AR: variants seen among roughly 807,000 people sequenced by gnomAD.
The protein encoded by AR is androgen receptor, also known as dihydrotestosterone receptor.
In AR, 8 loss-of-function variants were observed where a neutral mutation model predicts 53.9. That is an observed-to-expected ratio of 0.15 (90% CI 0.09 to 0.27). The LOEUF is 0.27. Ranked by LOEUF, AR falls within the 10% of genes least tolerant of loss-of-function variation. AR has a pLI of 1.00. For synonymous variants in AR, 359 were observed against 316.4 expected, an observed-to-expected ratio of 1.13 and a Z score of -1.43; for missense variants, 639 against 742.5, an observed-to-expected ratio of 0.86 and a Z score of 1.62.
chrX:67,630,217 T>G (rs1035616472), intron 1 of AR, among the ~76,000 whole-genome samples: 6 of 111,170 alleles, frequency 5.4e-5, no homozygotes, highest in African/African-American at 2.0e-4. Context: ...CTCGTTGATC[T>G]GTCTAATGTT....
chrX:67,624,965 G>A lies in AR; in HGVS notation c.1617-18291G>A, dbSNP rs1190994800. 5.3e-5 allele frequency among the ~76,000 whole-genome samples: 5 copies of A among 93,672 alleles called. No individual in the cohort carries two copies. In the East Asian group the frequency reaches 1.6e-3, roughly 30 times the overall value. The allele number at this position is 93,672 out of a possible 115,157, so 81.3% of individuals were successfully genotyped here. A position where few individuals can be genotyped will look rare whatever the true frequency, so the allele number is the denominator to read the frequency against. On this transcript the variant is annotated intron_variant, in intron 1 of 7. Transcript: ENST00000374690. Reference sequence around the variant, plus strand: ...AGGTAAAAGGCACCCATATTGGAAAGGAAGAGGTGAAAATATCTATATTCA... The same window carrying A: ...AGGTAAAAGGCACCCATATTGGAAAAGAAGAGGTGAAAATATCTATATTCA...
At chrX:67,684,271 G>T (rs1572500) in intron 2 of AR, among the ~76,000 whole-genome samples, 7,259 of 111,517 alleles carry the variant, frequency 0.065, 590 homozygotes, top group African/African-American at 0.22. Context: ...GTGCACATAT[G>T]GTAGTCCTCA....
chrX:67,626,264 C>T (rs1291221049), intron 1 of AR, among the ~76,000 whole-genome samples: 1 of 109,467 alleles, frequency 9.1e-6, no homozygotes, highest in East Asian at 2.9e-4. Context: ...CCTCTTATCT[C>T]CATGAGTTCA....
At chrX:67,705,382 C>A (rs776413739) in intron 3 of AR, among the ~76,000 whole-genome samples, 28 of 111,223 alleles carry the variant, frequency 2.5e-4, no homozygotes, top group Admixed American at 2.3e-3. Flanking sequence ...AGTTGGATTC[C>A]TAGGTATTTT....
chrX:67,604,200 G>A (rs998922420), intron 1 of AR, among the ~76,000 whole-genome samples: 1 of 56,259 alleles, frequency 1.8e-5, no homozygotes, highest in Non-Finnish European at 3.1e-5. Context: ...GGAGAAATAT[G>A]TGTGTGTGTG....
At chrX:67,647,371 C>A (rs757903302) in intron 2 of AR, among the ~76,000 whole-genome samples, 1 of 111,797 alleles carries the variant, frequency 8.9e-6, no homozygotes, top group South Asian at 3.7e-4. Flanking sequence ...GGAAGAAATG[C>A]AAGTGAACCC....
intron 1 of AR, among the ~76,000 whole-genome samples, chrX:67,625,216 C>T (rs1360557439): frequency 9.0e-6 from 1 of 110,774 alleles, no homozygotes; most frequent in Non-Finnish European, 1.9e-5. Context: ...ACAAAAGAAG[C>T]GTAAGACTTG....
intron 2 of AR, among the ~76,000 whole-genome samples, chrX:67,676,194 C>A (rs1364732671): frequency 8.9e-6 from 1 of 111,955 alleles, no homozygotes; most frequent in African/African-American, 3.2e-5. Flanking sequence ...CTCTGAGCAA[C>A]CCTGCAAAGA....
At chrX:67,573,781 G>A (rs1410686830) in intron 1 of AR, among the ~76,000 whole-genome samples, 1 of 111,927 alleles carries the variant, frequency 8.9e-6, no homozygotes, top group Non-Finnish European at 1.9e-5. Flanking sequence ...GTTATTGTCA[G>A]AGTAAATATC....
chrX:67,730,273 G>C lies in AR; in HGVS notation c.*6432G>C, dbSNP rs1310430730. ...TCTTTAGATGGGGCTCATTTCTCAC[G>C]GTGGCACTTGGCCTCCACTGGGCAG... On this transcript the variant is annotated 3_prime_UTR_variant, in exon 8 of 8. Transcript: ENST00000374690. 1 of 175,635 alleles carries C rather than the reference G, an allele frequency of 5.7e-6. No individual in the cohort carries two copies. The highest frequency in any genetic ancestry group is 2.9e-5 in the African/African-American group (1 of 34,512). The allele number at this position is 175,635 out of a possible 1,213,427, so 14.5% of individuals were successfully genotyped here. A position where few individuals can be genotyped will look rare whatever the true frequency, so the allele number is the denominator to read the frequency against.
chrX:67,614,916 G>T (rs899289474), intron 1 of AR, among the ~76,000 whole-genome samples: 1 of 110,670 alleles, frequency 9.0e-6, no homozygotes, highest in Non-Finnish European at 1.9e-5. Flanking sequence ...GAAAAAAATG[G>T]AAAATCTGGA....
rs185681496 is a variant in AR, at chrX:67,661,792, T to C, written c.1768+18385T>C. On this transcript the variant is annotated intron_variant, in intron 2 of 7. Coordinates refer to ENST00000374690, the MANE Select transcript of AR (RefSeq NM_000044.6). ...TACCAGCTCCTCCTTGTACCTCTGG[T>C]AGGATTCAGCTGTGAATCCATCTGG... Among the ~76,000 whole-genome samples the C allele has an allele frequency of 6.3e-5, 7 of 111,770 alleles. No individual in the cohort carries two copies. In the Admixed American group the frequency reaches 6.7e-4, roughly 11 times the overall value.
At chrX:67,689,861 AT>A in intron 3 of AR, 1 of 378,175 alleles carries the variant, frequency 2.6e-6, no homozygotes, top group Non-Finnish European at 3.4e-6. Flanking sequence ...GCCATTTCTC[AT>A]TTTTCTCCGC....
chrX:67,642,147 A>G (rs1286474199), intron 1 of AR, among the ~76,000 whole-genome samples: 1 of 111,862 alleles, frequency 8.9e-6, no homozygotes, highest in Admixed American at 9.5e-5. Flanking sequence ...AGTAAGGAAG[A>G]AGTGCTTATA....
At chrX:67,621,466 C>T (rs887277124) in intron 1 of AR, among the ~76,000 whole-genome samples, 7 of 110,817 alleles carry the variant, frequency 6.3e-5, no homozygotes, top group Non-Finnish European at 1.1e-4. Flanking sequence ...CCCATCAACC[C>T]GTCATCTACA....
At chrX:67,649,455 C>T (rs1014226181) in intron 2 of AR, among the ~76,000 whole-genome samples, 3 of 112,091 alleles carry the variant, frequency 2.7e-5, no homozygotes, top group African/African-American at 9.7e-5. Context: ...TCCACACTGT[C>T]TTCCACAATG....
At chrX:67,721,695 T>A in intron 5 of AR, 138 bp from the exon 6 acceptor site, 1 of 859,250 alleles carries the variant, frequency 1.2e-6, no homozygotes, top group South Asian at 2.1e-5. Context: ...AACCTTTTCC[T>A]GGTCCCTGGA....
intron 1 of AR, among the ~76,000 whole-genome samples, chrX:67,635,449 C>G (rs998980654): frequency 9.0e-6 from 1 of 111,432 alleles, no homozygotes; most frequent in Non-Finnish European, 1.9e-5. Flanking sequence ...CATTTCACCC[C>G]GCTTCCACAG....
At position 67,546,558 on chromosome X, in the gene AR, G is replaced by T; in HGVS notation, c.1412G>T (p.Gly471Val). 1 of 959,737 alleles carries T rather than the reference G, an allele frequency of 1.0e-6. No homozygotes were observed. Among genetic ancestry groups the T allele is most frequent in the East Asian group, 4.3e-5 (1 of 23,261 alleles). The allele number at this position is 959,737 out of a possible 1,213,427, so 79.1% of individuals were successfully genotyped here. ...GGGGGGGGGG[G>V]GGEAGAVAPY... ...GGCGGCGGCGGCGGCGGCGGCGGCG[G>T]CGGCGGCGAGGCGGGAGCTGTAGCC... Residue 471 changes from glycine to valine, a missense_variant, in exon 1 of 8, where the codon GGC becomes GTC. Gly to Val is a moderately radical substitution (Grantham distance 109). Transcript: ENST00000374690.
Sources: allele counts gnomAD v4.1 joint callset (sites outside exome capture counted in the v4.1 genomes callset), GRCh38; gene constraint gnomAD v4.1.1; transcripts MANE v1.5; gene names NCBI Gene and HGNC (gene_info 2026-07-23, HGNC 2026-07-21).